The following FARS2 variants were observed in gnomAD, a reference collection of about 807,000 sequenced individuals.
The protein encoded by FARS2 is phenylalanine--tRNA ligase, mitochondrial.
In FARS2, 40 loss-of-function variants were observed where a neutral mutation model predicts 46.4. That is an observed-to-expected ratio of 0.86 (90% confidence interval 0.67 to 1.12). FARS2 has a LOEUF of 1.12. Ranked by LOEUF, FARS2 falls within the 50% of genes most tolerant of loss-of-function variation. The probability of loss-of-function intolerance (pLI) is 0.00; values close to 1 mark genes in which losing one functional copy is unlikely to be tolerated. For synonymous variants in FARS2, 234 were observed against 214.9 expected, an observed-to-expected ratio of 1.09 and a Z score of -0.78; for missense variants, 513 against 567.9, an observed-to-expected ratio of 0.90 and a Z score of 0.98.
At chr6:5,314,040 A>G (rs1261438292) in intron 1 of FARS2, among the ~76,000 whole-genome samples, 1 of 152,150 alleles carries the variant, frequency 6.6e-6, no homozygotes, top group Non-Finnish European at 1.5e-5. Context: ...GGTCTTACGA[A>G]TTATACTAAA....
Position 5,266,345 on chromosome 6 carries a change from A to T in FARS2, c.-22+4685A>T, listed in dbSNP as rs141300929. Among the ~76,000 whole-genome samples, 42 of 152,204 alleles carry T rather than the reference A, an allele frequency of 2.8e-4. No individual in the cohort carries two copies. The South Asian group carries it at 7.9e-3, about 29-fold the overall frequency. The stretch of plus-strand genomic sequence containing the variant: ...TTTGAGTTAGTCTTCCCATGACCTG[A>T]TGGAAGAGCTGTTATCTCCATTTAA... On this transcript the variant is annotated intron_variant, in intron 1 of 6. Transcript: ENST00000274680.
At chr6:5,348,065 T>G (rs1313772643) in intron 1 of FARS2, among the ~76,000 whole-genome samples, 1 of 152,234 alleles carries the variant, frequency 6.6e-6, no homozygotes, top group Admixed American at 6.5e-5. Flanking sequence ...GTAGGAATTC[T>G]TCATATATCC....
At chr6:5,635,628 C>T (rs1185165857) in intron 6 of FARS2, among the ~76,000 whole-genome samples, 1 of 152,078 alleles carries the variant, frequency 6.6e-6, no homozygotes, top group Non-Finnish European at 1.5e-5. Flanking sequence ...ATGAGAAGGA[C>T]GCCCCATGTA....
chr6:5,257,610 G>A (rs1764740156), upstream of FARS2, among the ~76,000 whole-genome samples: 1 of 152,180 alleles, frequency 6.6e-6, no homozygotes, highest in African/African-American at 2.4e-5. Context: ...TGCGCATTAT[G>A]GCCTGAGCTC....
At chr6:5,568,845 A>G (rs1772470083) in intron 5 of FARS2, among the ~76,000 whole-genome samples, 1 of 152,228 alleles carries the variant, frequency 6.6e-6, no homozygotes, top group Non-Finnish European at 1.5e-5. Context: ...GAGGCCCGGC[A>G]CAGAAGAAAT....
At position 5,417,613 on chromosome 6, in the gene FARS2, G is replaced by A. The variant is rs563859903; in HGVS notation, c.772+12912G>A. On this transcript the variant is annotated intron_variant, in intron 3 of 6. Coordinates refer to ENST00000274680, the MANE Select transcript of FARS2 (RefSeq NM_006567.5). ...GAAATCTGCTCTTAACTTTGCTTTTGTCTTTGTTTTTCTGTACATAATGTG... is the reference window on the plus strand; with the variant it reads ...GAAATCTGCTCTTAACTTTGCTTTTATCTTTGTTTTTCTGTACATAATGTG... Among the ~76,000 whole-genome samples, 16 of 152,206 alleles carry A rather than the reference G, an allele frequency of 1.1e-4. 1 individual carries two copies. In the South Asian group the frequency reaches 3.1e-3, roughly 30 times the overall value.
chr6:5,560,374 T>C (rs1771918855), intron 5 of FARS2, among the ~76,000 whole-genome samples: 1 of 152,186 alleles, frequency 6.6e-6, no homozygotes, highest in Admixed American at 6.5e-5. Flanking sequence ...TTAGTGATTG[T>C]TTTTTGAATG....
At chr6:5,753,173 G>A (rs199586834) in intron 6 of FARS2, among the ~76,000 whole-genome samples, 1 of 150,204 alleles carries the variant, frequency 6.7e-6, no homozygotes, top group Non-Finnish European at 1.5e-5. Flanking sequence ...AGGAGAGAGA[G>A]AGCAAGAACA....
At chr6:5,663,399 G>A (rs544375156) in intron 6 of FARS2, among the ~76,000 whole-genome samples, 2 of 152,280 alleles carry the variant, frequency 1.3e-5, no homozygotes, top group South Asian at 2.1e-4. Flanking sequence ...ATCATTTGCC[G>A]TAAAGATCTG....
chr6:5,599,588 C>T (rs920894778), intron 5 of FARS2, among the ~76,000 whole-genome samples: 6 of 152,186 alleles, frequency 3.9e-5, no homozygotes, highest in East Asian at 1.9e-4. Flanking sequence ...TTCATGAAAA[C>T]GTTTGCAAGA....
At chr6:5,728,454 G>C (rs921841022) in intron 6 of FARS2, among the ~76,000 whole-genome samples, 5 of 152,132 alleles carry the variant, frequency 3.3e-5, no homozygotes, top group Admixed American at 1.3e-4. Context: ...TGACAGGGAG[G>C]GGGTGAGGAG....
the FARS2 span, among the ~76,000 whole-genome samples, chr6:5,251,978 C>T: frequency 1.3e-5 from 2 of 152,256 alleles, no homozygotes; most frequent in South Asian, 2.1e-4. Context: ...GATTCCTAAA[C>T]ACGAATCATT....
chr6:5,424,270 A>G (rs1372995440), intron 3 of FARS2, among the ~76,000 whole-genome samples: 1 of 152,178 alleles, frequency 6.6e-6, no homozygotes, highest in African/African-American at 2.4e-5. Flanking sequence ...ATATTATACA[A>G]CACCTATCGA....
chr6:5,400,656 A>G (rs1490068373), intron 2 of FARS2, among the ~76,000 whole-genome samples: 1 of 151,634 alleles, frequency 6.6e-6, no homozygotes, highest in Non-Finnish European at 1.5e-5. Flanking sequence ...AAATATACGT[A>G]TACATATTTA....
chr6:5,685,137 C>T (rs1757096242), intron 6 of FARS2, among the ~76,000 whole-genome samples: 2 of 151,480 alleles, frequency 1.3e-5, no homozygotes, highest in Non-Finnish European at 2.9e-5. Flanking sequence ...CAGCCGCAAG[C>T]AGAATGGAAG....
chr6:5,681,674 T>A (rs937465692), intron 6 of FARS2, among the ~76,000 whole-genome samples: 9 of 152,344 alleles, frequency 5.9e-5, no homozygotes, highest in African/African-American at 1.9e-4. Context: ...CTTTGGCTGA[T>A]CCATCTGCTG....
intron 6 of FARS2, among the ~76,000 whole-genome samples, chr6:5,689,432 A>G (rs1757516029): frequency 6.6e-6 from 1 of 151,976 alleles, no homozygotes; most frequent in Non-Finnish European, 1.5e-5. Context: ...GAACATCTTT[A>G]TTTCTGCCTT....
chr6:5,648,213 A>ACCT (rs1777170912), intron 6 of FARS2, among the ~76,000 whole-genome samples: 1 of 152,192 alleles, frequency 6.6e-6, no homozygotes, highest in Non-Finnish European at 1.5e-5. Flanking sequence ...CAAGTTAAAC[A>ACCT]CAGTAGCCTC....
chr6:5,545,702 A>G (rs148286526), intron 5 of FARS2, among the ~76,000 whole-genome samples: 1,760 of 152,244 alleles, frequency 0.012, 26 homozygotes, highest in African/African-American at 0.039. Context: ...GAGTGAGAAC[A>G]TGTGGTGTCT....
Sources: gnomAD v4.1 joint callset for allele counts (sites outside exome capture counted in the v4.1 genomes callset) on GRCh38, gnomAD v4.1.1 for gene constraint, MANE v1.5 for transcripts, NCBI Gene and HGNC (gene_info 2026-07-23, HGNC 2026-07-21) for gene names.